Variants in SULT1B1 observed in about 807,000 individuals in gnomAD.
SULT1B1 encodes the protein sulfotransferase 1B1.
In SULT1B1, 28 loss-of-function variants were observed where a neutral mutation model predicts 34.6. The observed-to-expected ratio is 0.81, with a 90% CI of 0.60 to 1.11. The LOEUF (loss-of-function observed/expected upper bound fraction) is 1.11, where lower values mean the gene tolerates loss of function less well. Among genes scored for constraint, SULT1B1 ranks in the 50% least tolerant of loss-of-function variants. The probability of loss-of-function intolerance (pLI) is 0.00; values close to 1 mark genes in which losing one functional copy is unlikely to be tolerated. For synonymous variants in SULT1B1, 147 were observed against 110.2 expected, an observed-to-expected ratio of 1.33 and a Z score of -2.09; for missense variants, 374 against 352.2, an observed-to-expected ratio of 1.06 and a Z score of -0.50.
Position 69,742,273 on chromosome 4 carries a change from G to A in SULT1B1, c.375+7448C>T, listed in dbSNP as rs550035146. ...ATGTACTCCTGGATTCAGTTTGCTA[G>A]TATTTTGTTGAGGATTTTAGCATCT... On this transcript the variant is annotated intron_variant, in intron 4 of 7. Coordinates refer to ENST00000310613, the MANE Select transcript of SULT1B1 (RefSeq NM_014465.4). Among the ~76,000 whole-genome samples, 3 of 152,236 alleles carry A rather than the reference G, an allele frequency of 2.0e-5. 1 individual carries two copies. In the South Asian group the frequency reaches 6.2e-4, roughly 32 times the overall value.
intron 1 of SULT1B1, among the ~76,000 whole-genome samples, chr4:69,756,694 T>C (rs567010364): frequency 6.6e-6 from 1 of 152,260 alleles, no homozygotes; most frequent in South Asian, 2.1e-4. Context: ...AGCTAAACCA[T>C]CAGCTCTACT....
At position 69,733,329 on chromosome 4, in the gene SULT1B1, A is replaced by G. The variant is rs74369610; in HGVS notation, c.597+84T>C. On this transcript the variant is annotated intron_variant, in intron 6 of 7. Transcript: ENST00000310613. ...AAGCAATCATCATTTTGGACTCGAT[A>G]GACTAAGTTGGAAAGCAAATATCAA... 264 of 940,432 alleles carry G rather than the reference A, an allele frequency of 2.8e-4. 2 individuals carry two copies. The East Asian group carries it at 7.3e-3, about 26-fold the overall frequency. 58.3% of individuals were successfully genotyped at this position (940,432 alleles called of 1,614,324 possible). A position where few individuals can be genotyped will look rare whatever the true frequency, so the allele number is the denominator to read the frequency against.
rs765039874 is a variant in SULT1B1 at position 69,727,208 on chromosome 4, T to TAA, written c.779-10_779-9dup. The TAA allele has an allele frequency of 2.1e-5, 33 of 1,595,296 alleles. No individual in the cohort carries two copies. In the South Asian group the frequency reaches 3.7e-4, roughly 18 times the overall value. On this transcript the variant is annotated splice_polypyrimidine_tract_variant and intron_variant, in intron 7 of 7. Transcript: ENST00000310613. ...TCCAGTCACCAGCCGTCCCTAAAGG[T>TAA]AAATAAAAAAACATAGGAAAGAATA...
In SULT1B1 at chr4:69,722,442, G is replaced by A. The variant is rs1447312093; in HGVS notation, c.*4646C>T. The A allele has an allele frequency of 6.6e-6, 1 of 152,008 alleles. No individual in the cohort carries two copies. The highest frequency in any genetic ancestry group is 1.5e-5 in the Non-Finnish European group (1 of 67,996). The allele number at this position is 152,008 out of a possible 1,614,324, so 9.4% of individuals were successfully genotyped here. ...CTTATTATTTAATAAAGATAATAGA[G>A]GAAATAGATACATGATTTAGTTTAC... On this transcript the variant is annotated 3_prime_UTR_variant, in exon 8 of 8. Transcript: ENST00000310613.
chr4:69,736,239 A>C (rs1271815917), intron 4 of SULT1B1, among the ~76,000 whole-genome samples: 1 of 152,222 alleles, frequency 6.6e-6, no homozygotes, highest in East Asian at 1.9e-4. Context: ...CATAGGCTAA[A>C]GTGCTCTGCA....
At chr4:69,730,215 T>A (rs1718020161) in intron 7 of SULT1B1, among the ~76,000 whole-genome samples, 1 of 152,144 alleles carries the variant, frequency 6.6e-6, no homozygotes, top group South Asian at 2.1e-4. Flanking sequence ...GGAGTAAGAA[T>A]GACAAATTTG....
Position 69,733,446 on chromosome 4 carries a change from T to C in SULT1B1, c.564A>G (p.Pro188=). 1.9e-6 allele frequency: 3 copies of C among 1,608,548 alleles called. No homozygotes were observed. Among genetic ancestry groups the C allele is most frequent in the Non-Finnish European group, 2.5e-6 (3 of 1,177,984 alleles). ...KNWWKKKEEH[P]ILFLYYEDMK... is the part of the protein sequence containing the mutation. ...TATCTTCATAGTACAAAAAAAGTATTGGGTGTTCTTCCTTTTTCTTCCACC... is the reference window on the plus strand; with the variant it reads ...TATCTTCATAGTACAAAAAAAGTATCGGGTGTTCTTCCTTTTTCTTCCACC... The change falls in exon 6 of 8, where the codon CCA becomes CCG. Residue 188 remains proline (P), a synonymous_variant. Coordinates refer to ENST00000310613, the MANE Select transcript of SULT1B1 (RefSeq NM_014465.4).
chr4:69,756,180 A>G (rs1387438145), intron 1 of SULT1B1, among the ~76,000 whole-genome samples: 1 of 152,138 alleles, frequency 6.6e-6, no homozygotes, highest in East Asian at 1.9e-4. Context: ...AAGTACGGTT[A>G]TAATGATTTT....
intron 3 of SULT1B1, among the ~76,000 whole-genome samples, chr4:69,751,198 G>T (rs947421309): frequency 6.6e-5 from 10 of 152,160 alleles, no homozygotes; most frequent in Admixed American, 5.9e-4. Context: ...ATATAAAAAT[G>T]AGAAATTGTA....
intron 4 of SULT1B1, among the ~76,000 whole-genome samples, chr4:69,746,396 C>CA (rs1302649161): frequency 6.6e-6 from 1 of 152,062 alleles, no homozygotes; most frequent in Non-Finnish European, 1.5e-5. Flanking sequence ...AGGTTTTGTT[C>CA]ATTTTTTATA....
chr4:69,732,916 T>C (rs1718137864), intron 6 of SULT1B1, among the ~76,000 whole-genome samples: 1 of 151,878 alleles, frequency 6.6e-6, no homozygotes, highest in Admixed American at 6.6e-5. Flanking sequence ...ATATTACATG[T>C]TGGAGAGAAA....
At chr4:69,738,798 G>A (rs2102221) in intron 4 of SULT1B1, among the ~76,000 whole-genome samples, 75,727 of 151,966 alleles carry the variant, frequency 0.5, 19,100 homozygotes, top group East Asian at 0.72. Context: ...CCTTCTGCCT[G>A]TGAGCATGTA....
intron 4 of SULT1B1, among the ~76,000 whole-genome samples, chr4:69,744,616 C>A (rs941002024): frequency 6.6e-6 from 1 of 152,172 alleles, no homozygotes; most frequent in Non-Finnish European, 1.5e-5. Flanking sequence ...GATCTTCTCT[C>A]TTTTTTTCTT....
intron 3 of SULT1B1, among the ~76,000 whole-genome samples, chr4:69,754,076 C>T (rs1360953781): frequency 6.6e-6 from 1 of 152,156 alleles, no homozygotes; most frequent in Non-Finnish European, 1.5e-5. Context: ...CTTTATTACC[C>T]ACTTAAAGTA....
At chr4:69,750,803 T>G (rs188362070) in intron 3 of SULT1B1, among the ~76,000 whole-genome samples, 1 of 152,316 alleles carries the variant, frequency 6.6e-6, no homozygotes, top group African/African-American at 2.4e-5. Flanking sequence ...AAAATGGAGA[T>G]TTCATAAGAA....
chr4:69,731,175 A>G (rs527591370), intron 6 of SULT1B1, among the ~76,000 whole-genome samples: 1 of 152,322 alleles, frequency 6.6e-6, no homozygotes, highest in African/African-American at 2.4e-5. Context: ...TGGGCCACAC[A>G]GGAAGATGTG....
Position 69,734,277 on chromosome 4 carries a change from G to A in SULT1B1, c.376-13C>T, listed in dbSNP as rs947046238. On this transcript the variant is annotated splice_polypyrimidine_tract_variant and intron_variant, in intron 4 of 7. Transcript: ENST00000310613. ...CCAGATAAATCATCTGCAGTGGGGGGTGGGGGTAGGAGAAAAAAATAAGAT... is the reference window on the plus strand; with the variant it reads ...CCAGATAAATCATCTGCAGTGGGGGATGGGGGTAGGAGAAAAAAATAAGAT... The A allele has an allele frequency of 1.9e-6, 3 of 1,604,906 alleles. No individual in the cohort carries two copies. Among genetic ancestry groups the A allele is most frequent in the Non-Finnish European group, 2.6e-6 (3 of 1,176,240 alleles).
At chr4:69,737,089 CTT>C (rs1211058286) in intron 4 of SULT1B1, among the ~76,000 whole-genome samples, 2 of 151,554 alleles carry the variant, frequency 1.3e-5, no homozygotes, top group Admixed American at 1.3e-4. Context: ...GAATAAAACT[CTT>C]AGAAAAAAAA....
intron 4 of SULT1B1, among the ~76,000 whole-genome samples, chr4:69,745,364 A>G (rs1294971645): frequency 6.6e-6 from 1 of 152,226 alleles, no homozygotes; most frequent in Non-Finnish European, 1.5e-5. Context: ...TATAAGAACC[A>G]GTTTTATGAA....
Sources: gnomAD v4.1 joint callset for allele counts (sites outside exome capture counted in the v4.1 genomes callset) on GRCh38, gnomAD v4.1.1 for gene constraint, MANE v1.5 for transcripts, NCBI Gene and HGNC (gene_info 2026-07-23, HGNC 2026-07-21) for gene names.